Variants in ST8SIA5 observed in about 807,000 individuals in gnomAD.
The protein encoded by ST8SIA5 is ST8 alpha-N-acetyl-neuraminide alpha-2,8-sialyltransferase 5.
In ST8SIA5, 24 loss-of-function variants were observed where a neutral mutation model predicts 40.2. The observed-to-expected ratio is 0.60, with a 90% CI of 0.43 to 0.84. The LOEUF (loss-of-function observed/expected upper bound fraction) is 0.84. Among genes scored for constraint, ST8SIA5 ranks in the 40% least tolerant of loss-of-function variants. The pLI, the probability that ST8SIA5 is intolerant of heterozygous loss-of-function variation, is 0.00. For synonymous variants in ST8SIA5, 198 were observed against 201.8 expected, an observed-to-expected ratio of 0.98 and a Z score of 0.16; for missense variants, 465 against 498.5, an observed-to-expected ratio of 0.93 and a Z score of 0.64.
intron 1 of ST8SIA5, among the ~76,000 whole-genome samples, chr18:46,730,843 C>T (rs1045563034): frequency 5.9e-5 from 9 of 152,132 alleles, no homozygotes; most frequent in African/African-American, 2.2e-4. Context: ...AGGCTGGGCA[C>T]AGGAGCTAAT....
intron 1 of ST8SIA5, among the ~76,000 whole-genome samples, chr18:46,753,812 C>T (rs748010471): frequency 1.4e-4 from 22 of 152,068 alleles, no homozygotes; most frequent in East Asian, 5.8e-4. Flanking sequence ...AACATTGCCA[C>T]GGGGAATAGG....
intron 2 of ST8SIA5, among the ~76,000 whole-genome samples, chr18:46,702,408 G>T (rs1038917768): frequency 2.0e-5 from 3 of 152,114 alleles, no homozygotes. Context: ...CATTCCCGTG[G>T]CTCTCATGGC....
At chr18:46,729,528 C>A (rs2039965785) in intron 1 of ST8SIA5, among the ~76,000 whole-genome samples, 1 of 152,128 alleles carries the variant, frequency 6.6e-6, no homozygotes, top group African/African-American at 2.4e-5. Context: ...GAGTCCAACC[C>A]TCCTGGGGCA....
intron 1 of ST8SIA5, among the ~76,000 whole-genome samples, chr18:46,719,820 C>CTCCT (rs1568267943): frequency 7.3e-6 from 1 of 137,848 alleles, no homozygotes. Flanking sequence ...TCCTTCCTTT[C>CTCCT]TCTTTCTTTC....
chr18:46,733,022 C>T (rs2039999971), intron 1 of ST8SIA5, among the ~76,000 whole-genome samples: 1 of 152,036 alleles, frequency 6.6e-6, no homozygotes, highest in Non-Finnish European at 1.5e-5. Flanking sequence ...AGGCTGGACC[C>T]AGGGCTCCAG....
chr18:46,731,402 T>C (rs182332914), intron 1 of ST8SIA5, among the ~76,000 whole-genome samples: 67 of 152,302 alleles, frequency 4.4e-4, no homozygotes, highest in African/African-American at 1.6e-3. Context: ...ATGTCATGTC[T>C]TTCTCCTGAG....
At chr18:46,716,233 C>A (rs925503630) in intron 1 of ST8SIA5, among the ~76,000 whole-genome samples, 2 of 152,178 alleles carry the variant, frequency 1.3e-5, no homozygotes, top group Non-Finnish European at 2.9e-5. Flanking sequence ...AATACACCCA[C>A]CTCAAATGTT....
intron 5 of ST8SIA5, among the ~76,000 whole-genome samples, chr18:46,682,906 CT>C (rs2039411634): frequency 6.6e-6 from 1 of 152,196 alleles, no homozygotes; most frequent in Non-Finnish European, 1.5e-5. Flanking sequence ...GAAACAAATT[CT>C]CCCTGAGAGC....
intron 2 of ST8SIA5, among the ~76,000 whole-genome samples, chr18:46,702,158 A>C (rs1404787754): frequency 2.0e-5 from 3 of 151,722 alleles, no homozygotes; most frequent in East Asian, 1.9e-4. Context: ...AAAAAAAAAA[A>C]AAAACAGAAA....
At chr18:46,735,557 A>C in intron 1 of ST8SIA5, among the ~76,000 whole-genome samples, 1 of 152,202 alleles carries the variant, frequency 6.6e-6, no homozygotes, top group Non-Finnish European at 1.5e-5. Flanking sequence ...GTGAAATGAG[A>C]ATTGATGGAT....
chr18:46,685,029 G>A (rs1374083907), intron 5 of ST8SIA5, among the ~76,000 whole-genome samples: 2 of 152,148 alleles, frequency 1.3e-5, no homozygotes, highest in Non-Finnish European at 2.9e-5. Context: ...CTCTAATGGT[G>A]TGTCCAGTGC....
chr18:46,737,085 C>T (rs989902528), intron 1 of ST8SIA5, among the ~76,000 whole-genome samples: 3 of 152,142 alleles, frequency 2.0e-5, no homozygotes, highest in Non-Finnish European at 4.4e-5. Context: ...CCAGACAGGC[C>T]GTCAGTCAGC....
At chr18:46,690,930 CT>C (rs2039499130) in intron 3 of ST8SIA5, among the ~76,000 whole-genome samples, 1 of 152,208 alleles carries the variant, frequency 6.6e-6, no homozygotes, top group South Asian at 2.1e-4. Flanking sequence ...GCTGAGACTT[CT>C]ATTCTGCCCT....
At chr18:46,725,541 G>C (rs572395590) in intron 1 of ST8SIA5, among the ~76,000 whole-genome samples, 10 of 113,098 alleles carry the variant, frequency 8.8e-5, no homozygotes, top group Non-Finnish European at 1.3e-4. Context: ...TGGCACGGGT[G>C]GGGGGGGAAC....
chr18:46,714,254 G>T (rs2039762843), intron 1 of ST8SIA5, among the ~76,000 whole-genome samples: 5 of 152,186 alleles, frequency 3.3e-5, no homozygotes, highest in African/African-American at 1.2e-4. Context: ...AGAGCCTCCA[G>T]CTGCCTTAAC....
Position 46,680,398 on chromosome 18 carries a change from T to A in ST8SIA5, c.775A>T (p.Ile259Phe). ...TCGTCCAGCACGTACTTGACGCGGA[T>A]GGACACGTCGGTGTTGCGCGTGTTG... is the stretch of plus-strand genomic sequence containing the variant. ...FYNTRNTDVS[I>F]RVKYVLDDFE... The change falls in exon 7 of 7, where the codon ATC becomes TTC. Residue 259 changes from isoleucine (I) to phenylalanine (F), a missense_variant. Ile to Phe is a conservative substitution (Grantham distance 21, BLOSUM62 0). Transcript: ENST00000315087. 1 of 1,613,884 alleles carries A rather than the reference T, an allele frequency of 6.2e-7. No individual in the cohort carries two copies.
intron 1 of ST8SIA5, among the ~76,000 whole-genome samples, chr18:46,732,558 C>T (rs2039995121): frequency 6.6e-6 from 1 of 152,188 alleles, no homozygotes; most frequent in Non-Finnish European, 1.5e-5. Flanking sequence ...CCACCCCCTC[C>T]CTCTTGACAG....
intron 1 of ST8SIA5, among the ~76,000 whole-genome samples, chr18:46,711,804 C>A (rs553523024): frequency 9.2e-5 from 14 of 152,344 alleles, no homozygotes; most frequent in Admixed American, 4.6e-4. Context: ...CCGGCTCCAA[C>A]CCCTGGCTGG....
rs1326551656 is a variant in ST8SIA5, at chr18:46,672,682, T to C, written c.*7360A>G. ...GCAGGGGAAAATACCTAAAGACTTC[T>C]AAAAGATCAGCAAGGCTATTGTCTC... On this transcript the variant is annotated 3_prime_UTR_variant, in exon 7 of 7. Transcript: ENST00000315087. 3 of 151,658 alleles carry C rather than the reference T, an allele frequency of 2.0e-5. No individual in the cohort carries two copies. The highest frequency in any genetic ancestry group is 2.9e-5 in the Non-Finnish European group (2 of 67,962). The allele number at this position is 151,658 out of a possible 1,614,324, so 9.4% of individuals were successfully genotyped here.
Sources: allele counts gnomAD v4.1 joint callset (sites outside exome capture counted in the v4.1 genomes callset), GRCh38; gene constraint gnomAD v4.1.1; transcripts MANE v1.5; gene names NCBI Gene and HGNC (gene_info 2026-07-23, HGNC 2026-07-21).